The following PLPPR5 variants were observed in gnomAD, a reference collection of about 807,000 sequenced individuals.
The protein encoded by PLPPR5 is phospholipid phosphatase-related protein type 5.
In PLPPR5, 16 loss-of-function variants were observed where a neutral mutation model predicts 33.9. The ratio of observed to expected loss-of-function variants is 0.47; its 90% CI spans 0.32 to 0.72. The LOEUF (loss-of-function observed/expected upper bound fraction) is 0.72, where lower values mean the gene tolerates loss of function less well. Among genes scored for constraint, PLPPR5 ranks in the 30% least tolerant of loss-of-function variants. The probability of loss-of-function intolerance (pLI) is 0.03; values close to 1 mark genes in which losing one functional copy is unlikely to be tolerated. For missense variants in PLPPR5, 301 were observed against 406.7 expected (o/e 0.74, Z 2.23); for synonymous variants, 163 against 150.3 (o/e 1.08, Z -0.62).
intron 1 of PLPPR5, among the ~76,000 whole-genome samples, chr1:98,968,405 T>A (rs184486147): frequency 3.4e-4 from 51 of 152,102 alleles, no homozygotes; most frequent in Admixed American, 3.1e-3. Flanking sequence ...TTTCCCCTCT[T>A]CTTTATCAAC....
chr1:98,928,811 A>G (rs990558617), intron 3 of PLPPR5, among the ~76,000 whole-genome samples: 1 of 151,630 alleles, frequency 6.6e-6, no homozygotes, highest in Non-Finnish European at 1.5e-5. Context: ...ATCTACATTT[A>G]TTTTTAAATA....
chr1:98,901,762 T>G (rs1372563800), intron 5 of PLPPR5, among the ~76,000 whole-genome samples: 1 of 152,118 alleles, frequency 6.6e-6, no homozygotes, highest in Admixed American at 6.6e-5. Flanking sequence ...GCTCTGTTTC[T>G]GCACTTCTAT....
intron 1 of PLPPR5, among the ~76,000 whole-genome samples, chr1:98,991,838 T>G (rs189025660): frequency 2.7e-4 from 41 of 152,184 alleles, no homozygotes; most frequent in Non-Finnish European, 5.1e-4. Context: ...GCTAACCAGA[T>G]AGCTAATGAT....
At chr1:99,002,167 T>A (rs555391067) in intron 1 of PLPPR5, among the ~76,000 whole-genome samples, 3 of 152,028 alleles carry the variant, frequency 2.0e-5, no homozygotes, top group Non-Finnish European at 4.4e-5. Context: ...AGTGCACTAT[T>A]CCTAGAAGCA....
chr1:98,924,596 A>C (rs540340470), intron 3 of PLPPR5, among the ~76,000 whole-genome samples: 26 of 152,330 alleles, frequency 1.7e-4, no homozygotes, highest in African/African-American at 6.0e-4. Context: ...ATACGGCTTC[A>C]GAAAAAATTT....
intron 4 of PLPPR5, among the ~76,000 whole-genome samples, chr1:98,918,037 T>C (rs2101156568): frequency 6.6e-6 from 1 of 152,360 alleles, no homozygotes; most frequent in Admixed American, 6.5e-5. Flanking sequence ...TATTCTCTCC[T>C]ACCAAGATGA....
intron 1 of PLPPR5, among the ~76,000 whole-genome samples, chr1:98,984,602 A>T (rs909459761): frequency 6.6e-6 from 1 of 152,100 alleles, no homozygotes; most frequent in Admixed American, 6.6e-5. Flanking sequence ...TTCTAAAAAG[A>T]TTTCAAAACA....
chr1:98,956,921 A>G (rs1232101801), intron 1 of PLPPR5, among the ~76,000 whole-genome samples, 180 bp from the exon 2 acceptor site: 1 of 152,130 alleles, frequency 6.6e-6, no homozygotes, highest in African/African-American at 2.4e-5. Flanking sequence ...TATGTAAACC[A>G]TATTTTTCTC....
intron 1 of PLPPR5, among the ~76,000 whole-genome samples, chr1:98,968,521 G>A (rs12073563): frequency 0.018 from 2,673 of 152,026 alleles, 86 homozygotes; most frequent in African/African-American, 0.062. Flanking sequence ...ACTGTCCCTA[G>A]GTCAATGTTT....
At chr1:98,956,506 A>G in intron 2 of PLPPR5, 103 bp downstream of exon 2, 1 of 1,134,576 alleles carries the variant, frequency 8.8e-7, no homozygotes. Flanking sequence ...AAAGAAAAAA[A>G]CCCCTAATAT....
chr1:98,940,161 A>G (rs1057434905), intron 3 of PLPPR5, among the ~76,000 whole-genome samples: 2 of 151,826 alleles, frequency 1.3e-5, no homozygotes, highest in South Asian at 4.2e-4. Flanking sequence ...GTGGCATAAA[A>G]GACAGAATTT....
At chr1:98,951,623 T>C (rs1183145959) in intron 3 of PLPPR5, among the ~76,000 whole-genome samples, 1 of 152,174 alleles carries the variant, frequency 6.6e-6, no homozygotes, top group Non-Finnish European at 1.5e-5. Context: ...TACTCTATGG[T>C]TCTAAAATTA....
chr1:98,895,841 G>A (rs1243926951), intron 5 of PLPPR5, among the ~76,000 whole-genome samples: 1 of 151,950 alleles, frequency 6.6e-6, no homozygotes, highest in Non-Finnish European at 1.5e-5. Flanking sequence ...CAGATAAACA[G>A]AGGAAAATAA....
At chr1:98,924,749 C>G (rs547092685) in intron 3 of PLPPR5, among the ~76,000 whole-genome samples, 28 of 152,238 alleles carry the variant, frequency 1.8e-4, no homozygotes, top group African/African-American at 6.3e-4. Context: ...TTAAATTGCC[C>G]TAATGACTCA....
At chr1:98,987,020 A>C (rs1232922401) in intron 1 of PLPPR5, among the ~76,000 whole-genome samples, 3 of 151,774 alleles carry the variant, frequency 2.0e-5, no homozygotes, top group Admixed American at 6.6e-5. Context: ...CATCTATATA[A>C]CTTCCTGTAT....
At chr1:98,993,096 C>G (rs1441115831) in intron 1 of PLPPR5, among the ~76,000 whole-genome samples, 1 of 152,120 alleles carries the variant, frequency 6.6e-6, no homozygotes, top group Non-Finnish European at 1.5e-5. Context: ...GTCTGCTACA[C>G]AGTAAGTGCT....
intron 3 of PLPPR5, among the ~76,000 whole-genome samples, chr1:98,941,385 GGAGA>G (rs143789840): frequency 3.3e-5 from 5 of 151,864 alleles, no homozygotes; most frequent in Admixed American, 6.6e-5. Flanking sequence ...AGTGGTTTCA[GGAGA>G]GTGAGTGTGC....
chr1:98,928,572 T>TATATATATATATATATATATA (rs1649849553), intron 3 of PLPPR5, among the ~76,000 whole-genome samples: 1 of 141,692 alleles, frequency 7.1e-6, no homozygotes, highest in South Asian at 2.2e-4. Context: ...TATATATATA[T>TATATATATATATATATATATA]GGTTCACTTT....
intron 3 of PLPPR5, among the ~76,000 whole-genome samples, chr1:98,945,441 T>C (rs1650515525): frequency 6.6e-6 from 1 of 152,182 alleles, no homozygotes; most frequent in Non-Finnish European, 1.5e-5. Context: ...GGCACTGCAC[T>C]CTGGGGATAA....
Sources: gnomAD v4.1 joint callset for allele counts (sites outside exome capture counted in the v4.1 genomes callset) on GRCh38, gnomAD v4.1.1 for gene constraint, MANE v1.5 for transcripts, NCBI Gene and HGNC (gene_info 2026-07-23, HGNC 2026-07-21) for gene names.